RHOU: variants seen among roughly 807,000 people sequenced by gnomAD.
RHOU encodes the protein rho-related GTP-binding protein RhoU.
Under a neutral mutation model 12.6 loss-of-function variants are expected in RHOU, and 8 were observed. The ratio of observed to expected loss-of-function variants is 0.64; its 90% CI spans 0.37 to 1.15. The LOEUF (loss-of-function observed/expected upper bound fraction) is 1.15, where lower values mean the gene tolerates loss of function less well. RHOU is among the 50% of genes most tolerant of loss of function. The probability of loss-of-function intolerance (pLI) is 0.01; values close to 1 mark genes in which losing one functional copy is unlikely to be tolerated. For missense variants in RHOU, 258 were observed against 347.0 expected, an observed-to-expected ratio of 0.74 and a Z score of 2.04; for synonymous variants, 161 against 147.4, an observed-to-expected ratio of 1.09 and a Z score of -0.67.
chr1:228,737,546 T>A lies in RHOU; in HGVS notation c.263-127T>A. 1 of 913,826 alleles carries A rather than the reference T, an allele frequency of 1.1e-6. No individual in the cohort carries two copies. The highest frequency in any genetic ancestry group is 1.8e-6 in the Non-Finnish European group (1 of 571,064). 56.6% of individuals were successfully genotyped at this position (913,826 alleles called of 1,614,324 possible). On this transcript the variant is annotated intron_variant, in intron 1 of 2. Coordinates refer to ENST00000366691, the MANE Select transcript of RHOU (RefSeq NM_021205.6). The surrounding 1 kb of genome is among the most constrained non-coding windows in gnomAD (Gnocchi z 4.1). ...TCCTTGTTTTTGGCTAGTCTTTAAT[T>A]CATTAGAGGACCTAAAATAGGAGCA...
the RHOU span, among the ~76,000 whole-genome samples, chr1:228,647,332 C>T: frequency 6.6e-6 from 1 of 152,224 alleles, no homozygotes; most frequent in Non-Finnish European, 1.5e-5. Context: ...CCGAGATTTG[C>T]AGAGTGCGCC....
At chr1:228,660,933 C>CAA in the RHOU span, among the ~76,000 whole-genome samples, 37 of 116,546 alleles carry the variant, frequency 3.2e-4, 1 homozygote, top group Admixed American at 2.0e-3. Flanking sequence ...AACTCTGTCT[C>CAA]AAAAAAAAAA....
At chr1:228,736,697 C>T (rs1033256126) in intron 1 of RHOU, among the ~76,000 whole-genome samples, 2 of 152,088 alleles carry the variant, frequency 1.3e-5, no homozygotes, top group Non-Finnish European at 2.9e-5. Context: ...TCCTATGTAC[C>T]GGGTGCGATG....
At chr1:228,720,153 C>A in the RHOU span, among the ~76,000 whole-genome samples, 8 of 152,124 alleles carry the variant, frequency 5.3e-5, no homozygotes, top group South Asian at 1.7e-3. Flanking sequence ...CATAGCGAGA[C>A]CCCGTCTCTA....
rs779074020 is a variant in RHOU at position 228,743,690 on chromosome 1, A to G, written c.727A>G (p.Met243Val). 6.2e-7 allele frequency: 1 copy of G among 1,613,896 alleles called. No individual in the cohort carries two copies. Among genetic ancestry groups the G allele is most frequent in the Non-Finnish European group, 8.5e-7 (1 of 1,179,956 alleles). The change falls in exon 3 of 3, where the codon ATG (methionine) becomes GTG (valine). Residue 243 changes from methionine (M) to valine (V), a missense_variant. Met to Val is a conservative substitution (Grantham distance 21, BLOSUM62 1). Coordinates refer to ENST00000366691, the MANE Select transcript of RHOU (RefSeq NM_021205.6). This position sits in a 1 kb window ranked among gnomAD's most constrained non-coding sequence, Gnocchi z 5.1. ...GTCTAAAAGCAGGACTCCAGATAAA[A>G]TGAAAAACCTCTCCAAGTCCTGGTG... is the stretch of plus-strand genomic sequence containing the variant. ...KKSKSRTPDK[M>V]KNLSKSWWKK...
chr1:228,664,504 G>T, the RHOU span, among the ~76,000 whole-genome samples: 2 of 152,076 alleles, frequency 1.3e-5, no homozygotes, highest in African/African-American at 4.8e-5. Flanking sequence ...TTTGCTAGGT[G>T]GGGTGGGACT....
chr1:228,706,279 G>T, the RHOU span, among the ~76,000 whole-genome samples: 9,423 of 152,264 alleles, frequency 0.062, 419 homozygotes, highest in Non-Finnish European at 0.097. Flanking sequence ...ATACTTTAGA[G>T]ATATTAAATT....
chr1:228,742,315 C>T (rs373770138), intron 2 of RHOU, among the ~76,000 whole-genome samples: 2 of 152,224 alleles, frequency 1.3e-5, no homozygotes, highest in Admixed American at 6.5e-5. Context: ...CAAATCCCCT[C>T]GCCTGCCACT....
the RHOU span, among the ~76,000 whole-genome samples, chr1:228,695,512 C>T: frequency 5.9e-5 from 9 of 152,184 alleles, no homozygotes; most frequent in East Asian, 1.9e-4. Flanking sequence ...CTTTCAATGT[C>T]AACCACAAGC....
At chr1:228,682,772 T>C in the RHOU span, among the ~76,000 whole-genome samples, 1 of 152,168 alleles carries the variant, frequency 6.6e-6, no homozygotes, top group African/African-American at 2.4e-5. Flanking sequence ...CCCACCACCA[T>C]CCATCGTCAT....
chr1:228,676,152 A>T, the RHOU span, among the ~76,000 whole-genome samples: 1 of 149,162 alleles, frequency 6.7e-6, no homozygotes, highest in African/African-American at 2.5e-5. Flanking sequence ...TTTTTTTTTA[A>T]AGTGACAGAG....
At chr1:228,670,791 A>G in the RHOU span, among the ~76,000 whole-genome samples, 1 of 152,126 alleles carries the variant, frequency 6.6e-6, no homozygotes, top group African/African-American at 2.4e-5. Flanking sequence ...ATAGTGAGTG[A>G]GTTCTCACAA....
chr1:228,707,802 G>T, the RHOU span, among the ~76,000 whole-genome samples: 1 of 152,182 alleles, frequency 6.6e-6, no homozygotes, highest in Non-Finnish European at 1.5e-5. Flanking sequence ...AACAAAGCTG[G>T]ACAGAGAATG....
chr1:228,689,396 C>G, the RHOU span, among the ~76,000 whole-genome samples: 1 of 152,278 alleles, frequency 6.6e-6, no homozygotes, highest in African/African-American at 2.4e-5. Flanking sequence ...GGACATGATA[C>G]TTCCATGACA....
At chr1:228,719,132 G>A in the RHOU span, among the ~76,000 whole-genome samples, 1 of 152,126 alleles carries the variant, frequency 6.6e-6, no homozygotes, top group Non-Finnish European at 1.5e-5. Flanking sequence ...TCAATATTTG[G>A]TTACAGTTCA....
At chr1:228,651,268 C>T in the RHOU span, 1 of 189,552 alleles carries the variant, frequency 5.3e-6, no homozygotes, top group East Asian at 1.6e-4. Flanking sequence ...TTAGCCCTGA[C>T]TTGAAGGGTG....
the RHOU span, among the ~76,000 whole-genome samples, chr1:228,655,684 G>A: frequency 1.3e-5 from 2 of 152,222 alleles, no homozygotes; most frequent in Non-Finnish European, 2.9e-5. Context: ...TAACAGCTCA[G>A]GACAGGTACA....
chr1:228,660,662 G>T, the RHOU span, among the ~76,000 whole-genome samples: 1 of 151,664 alleles, frequency 6.6e-6, no homozygotes, highest in Non-Finnish European at 1.5e-5. Context: ...GCCTGGGTGC[G>T]GTGGCTCACA....
intron 2 of RHOU, among the ~76,000 whole-genome samples, chr1:228,741,030 G>A (rs897033588): frequency 2.0e-5 from 3 of 152,054 alleles, no homozygotes; most frequent in Non-Finnish European, 4.4e-5. Flanking sequence ...CTGGAGAGTT[G>A]CCAATAGAAG....
Sources: gnomAD v4.1 joint callset for allele counts (sites outside exome capture counted in the v4.1 genomes callset) on GRCh38, gnomAD v4.1.1 for gene constraint, Gnocchi (gnomAD v3.1) non-coding constraint, MANE v1.5 for transcripts, NCBI Gene and HGNC (gene_info 2026-07-23, HGNC 2026-07-21) for gene names.